PHLPP1: variants seen among roughly 807,000 people sequenced by gnomAD.
PHLPP1 encodes PH domain and leucine rich repeat protein phosphatase 1, also known as PH domain leucine-rich repeat-containing protein phosphatase 1.
In PHLPP1, 42 loss-of-function variants were observed where a neutral mutation model predicts 117.2. That is an observed-to-expected ratio of 0.36 (90% CI 0.28 to 0.46). The LOEUF (loss-of-function observed/expected upper bound fraction) is 0.46, where lower values mean the gene tolerates loss of function less well. PHLPP1 is among the 20% of genes least tolerant of loss of function. The pLI, the probability that PHLPP1 is intolerant of heterozygous loss-of-function variation, is 1.00. For missense variants in PHLPP1, 2,084 were observed against 2,241.9 expected (o/e 0.93, Z 1.42); for synonymous variants, 1,042 against 970.7 (o/e 1.07, Z -1.37).
At chr18:62,952,792 T>C (rs1233540891) in intron 12 of PHLPP1, among the ~76,000 whole-genome samples, 1 of 152,110 alleles carries the variant, frequency 6.6e-6, no homozygotes, top group East Asian at 1.9e-4. Flanking sequence ...CTGGCTAATT[T>C]CTTAAAATTT....
At chr18:62,908,633 C>T (rs2144412471) in intron 8 of PHLPP1, among the ~76,000 whole-genome samples, 1 of 12,344 alleles carries the variant, frequency 8.1e-5, no homozygotes, top group East Asian at 1.2e-3. Flanking sequence ...TACAGGAGCA[C>T]CCAGATTCAT....
At chr18:62,739,751 A>G (rs2122071888) in intron 1 of PHLPP1, among the ~76,000 whole-genome samples, 2 of 152,150 alleles carry the variant, frequency 1.3e-5, no homozygotes, top group South Asian at 4.2e-4. Context: ...GCTTTTAGGA[A>G]GGATGGATAA....
chr18:62,721,741 G>A (rs148149759), intron 1 of PHLPP1, among the ~76,000 whole-genome samples: 124 of 152,234 alleles, frequency 8.1e-4, no homozygotes, highest in African/African-American at 2.5e-3. Flanking sequence ...AAATGAATTT[G>A]TGTAAAGTTT....
At chr18:62,747,307 C>T (rs952481244) in intron 1 of PHLPP1, among the ~76,000 whole-genome samples, 30 of 120,620 alleles carry the variant, frequency 2.5e-4, no homozygotes, top group African/African-American at 8.4e-4. Context: ...TCTGTGGAAA[C>T]AGAGTCTCGC....
intron 1 of PHLPP1, among the ~76,000 whole-genome samples, chr18:62,728,439 T>G (rs1401629417): frequency 6.6e-6 from 1 of 152,220 alleles, no homozygotes; most frequent in African/African-American, 2.4e-5. Context: ...TTTTTTCACC[T>G]TCTGGAGAAA....
chr18:62,766,730 T>G (rs7241062), intron 1 of PHLPP1, among the ~76,000 whole-genome samples: 21,686 of 152,056 alleles, frequency 0.14, 3,312 homozygotes, highest in African/African-American at 0.39. Context: ...TAAATATATA[T>G]TTTTCTTTCT....
intron 1 of PHLPP1, among the ~76,000 whole-genome samples, chr18:62,793,455 T>TA (rs1234816748): frequency 1.3e-5 from 2 of 152,224 alleles, no homozygotes; most frequent in African/African-American, 4.8e-5. Flanking sequence ...TTGATCTACT[T>TA]ATAGTTTAGC....
intron 11 of PHLPP1, 126 bp downstream of exon 11, chr18:62,942,044 A>G: frequency 1.4e-6 from 1 of 699,666 alleles, no homozygotes; most frequent in Non-Finnish European, 2.4e-6. Flanking sequence ...TGCTCCCTTC[A>G]CAGTTTCCTT....
intron 1 of PHLPP1, among the ~76,000 whole-genome samples, chr18:62,762,455 C>T (rs566242093): frequency 1.3e-5 from 2 of 148,642 alleles, no homozygotes; most frequent in South Asian, 4.3e-4. Context: ...ACAGTTTCAC[C>T]CAGGCTGGAG....
At chr18:62,855,391 A>G (rs112807609) in intron 3 of PHLPP1, among the ~76,000 whole-genome samples, 31 of 152,182 alleles carry the variant, frequency 2.0e-4, no homozygotes, top group African/African-American at 7.0e-4. Flanking sequence ...GAATCAAGCC[A>G]TACCTTCTAA....
intron 3 of PHLPP1, among the ~76,000 whole-genome samples, chr18:62,842,118 AACTC>A (rs1276517343): frequency 6.6e-6 from 1 of 152,252 alleles, no homozygotes; most frequent in Non-Finnish European, 1.5e-5. Flanking sequence ...AGAACTAACT[AACTC>A]AATAAAATAA....
intron 4 of PHLPP1, among the ~76,000 whole-genome samples, chr18:62,882,097 C>G (rs1916186795): frequency 6.6e-6 from 1 of 152,120 alleles, no homozygotes; most frequent in Non-Finnish European, 1.5e-5. Context: ...TATTATGGCA[C>G]ATGCAGGTTG....
intron 1 of PHLPP1, chr18:62,779,522 TC>T (rs1410598861): frequency 6.6e-6 from 1 of 152,208 alleles, no homozygotes; most frequent in Non-Finnish European, 1.5e-5. Flanking sequence ...TGTATCATCA[TC>T]CTCACTGAAG....
intron 3 of PHLPP1, among the ~76,000 whole-genome samples, chr18:62,842,000 A>G (rs1322323116): frequency 2.0e-5 from 3 of 152,170 alleles, no homozygotes; most frequent in African/African-American, 7.2e-5. Flanking sequence ...TCCAAGTTTT[A>G]AACTTTTTCA....
Position 62,838,804 on chromosome 18 carries a change from C to G in PHLPP1, c.1794C>G (p.His598Gln). ...IGGKVEEVKK[H>Q]QHCLAFSSSG... ...TATAGGTAGAAGAAGTGAAAAAGCA[C>G]CAACACTGTTTAGCATTTAGCTCCT... The change falls in exon 3 of 17, where the codon CAC becomes CAG. Residue 598 changes from histidine to glutamine, a missense_variant. His to Gln is a conservative substitution (Grantham distance 24, BLOSUM62 0). Around this residue, in one of 2 missense-constraint regions of PHLPP1, gnomAD observed 1,365 missense variants for 1,605.9 expected, o/e 0.85. Transcript: ENST00000262719. 6.2e-7 allele frequency: 1 copy of G among 1,613,814 alleles called. No homozygotes were observed. Among genetic ancestry groups the G allele is most frequent in the Non-Finnish European group, 8.5e-7 (1 of 1,179,768 alleles).
intron 1 of PHLPP1, among the ~76,000 whole-genome samples, chr18:62,791,760 T>C (rs1441532680): frequency 6.6e-6 from 1 of 152,196 alleles, no homozygotes; most frequent in African/African-American, 2.4e-5. Flanking sequence ...TAGACTTTTG[T>C]CTTCATAGGA....
chr18:62,889,272 G>A (rs543578562), intron 4 of PHLPP1, among the ~76,000 whole-genome samples: 2 of 152,148 alleles, frequency 1.3e-5, no homozygotes, highest in African/African-American at 4.8e-5. Context: ...TAGTGAGAAG[G>A]AGCAAGACTT....
intron 8 of PHLPP1, among the ~76,000 whole-genome samples, chr18:62,913,829 C>T (rs1263221227): frequency 6.6e-6 from 1 of 150,728 alleles, no homozygotes; most frequent in Non-Finnish European, 1.5e-5. Flanking sequence ...CGGCAACCTC[C>T]GCCTCCCGGG....
chr18:62,862,097 T>C (rs969615771), intron 4 of PHLPP1, among the ~76,000 whole-genome samples: 1 of 151,974 alleles, frequency 6.6e-6, no homozygotes, highest in African/African-American at 2.4e-5. Context: ...TTTCTTTTTT[T>C]GAGATGGAGT....
Sources: allele counts gnomAD v4.1 joint callset (sites outside exome capture counted in the v4.1 genomes callset), GRCh38; gene constraint gnomAD v4.1.1; regional missense constraint gnomAD v4.1.1; transcripts MANE v1.5; gene names NCBI Gene and HGNC (gene_info 2026-07-23, HGNC 2026-07-21).